Variants in REPS1 observed in about 807,000 individuals in gnomAD.
REPS1 encodes ralBP1-associated Eps domain-containing protein 1.
REPS1 carries 39 observed loss-of-function variants against 100.9 expected under a neutral mutation model. The ratio of observed to expected loss-of-function variants is 0.39; its 90% CI spans 0.30 to 0.50. REPS1 has a LOEUF of 0.50. REPS1 is among the 20% of genes least tolerant of loss of function. The probability of loss-of-function intolerance (pLI) is 0.86; values close to 1 mark genes in which losing one functional copy is unlikely to be tolerated. For missense variants in REPS1, 821 were observed against 968.5 expected, an observed-to-expected ratio of 0.85 and a Z score of 2.02; for synonymous variants, 324 against 340.3, an observed-to-expected ratio of 0.95 and a Z score of 0.53.
At chr6:138,907,941 A>C (rs1421072286) in intron 18 of REPS1, among the ~76,000 whole-genome samples, 1 of 152,122 alleles carries the variant, frequency 6.6e-6, no homozygotes, top group East Asian at 1.9e-4. Flanking sequence ...TCTGTCTCAT[A>C]TTCTAGTTTT....
intron 1 of REPS1, among the ~76,000 whole-genome samples, chr6:138,959,473 T>A (rs999660589): frequency 9.7e-4 from 23 of 23,678 alleles, no homozygotes; most frequent in Non-Finnish European, 1.4e-3. Flanking sequence ...TGAATGAGTT[T>A]AATAAAATGG....
chr6:138,915,892 AGAT>A lies in REPS1; in HGVS notation c.1683_1685del (p.Ser562del). The A allele has an allele frequency of 6.2e-7, 1 of 1,613,612 alleles. No homozygotes were observed. The highest frequency in any genetic ancestry group is 8.5e-7 in the Non-Finnish European group (1 of 1,179,490). On this transcript the variant is annotated inframe_deletion, in exon 14 of 20. Transcript: ENST00000450536. ...CTGTAAAGGTCCGATTCATATCTAA[AGAT>A]GATGATCTAGAATGAGAGGGCTGTG... is the stretch of plus-strand genomic sequence containing the variant.
At chr6:138,909,275 T>C (rs1240554703) in intron 17 of REPS1, among the ~76,000 whole-genome samples, 1 of 152,226 alleles carries the variant, frequency 6.6e-6, no homozygotes, top group Non-Finnish European at 1.5e-5. Context: ...AACATCATTA[T>C]TAATATGCAC....
Position 138,941,347 on chromosome 6 carries a change from C to T in REPS1, c.1123G>A (p.Glu375Lys). The change falls in exon 8 of 20, where the codon GAA becomes AAA. Residue 375 changes from glutamate (E) to lysine (K), a missense_variant. Around this residue, in one of 3 missense-constraint regions of REPS1, gnomAD observed 757 missense variants for 866.4 expected, o/e 0.87. Coordinates refer to ENST00000450536, the MANE Select transcript of REPS1 (RefSeq NM_001286611.2). ...CTCCCAATCTTACCTGCTGAATCTT[C>T]CAAATCAATCAGTTTGGGCATTAAG... is the stretch of plus-strand genomic sequence containing the variant. ...ESLMPKLIDL[E>K]DSADVGDQPG... The T allele has an allele frequency of 6.2e-7, 1 of 1,614,024 alleles. No homozygotes were observed. Among genetic ancestry groups the T allele is most frequent in the Non-Finnish European group, 8.5e-7 (1 of 1,179,972 alleles).
chr6:138,925,249 C>G (rs1241647256), intron 10 of REPS1, among the ~76,000 whole-genome samples: 2 of 151,932 alleles, frequency 1.3e-5, no homozygotes, highest in Admixed American at 1.3e-4. Context: ...CACCTGTAGT[C>G]CCAGCTACTC....
At chr6:138,972,157 T>C (rs1321358026) in intron 1 of REPS1, among the ~76,000 whole-genome samples, 1 of 152,192 alleles carries the variant, frequency 6.6e-6, no homozygotes, top group Non-Finnish European at 1.5e-5. Flanking sequence ...GAAACTGGTC[T>C]CAGTGAGAGT....
rs374357669 is a variant in REPS1, at chr6:138,959,772, C to G, written c.154-11859G>C. On this transcript the variant is annotated intron_variant, in intron 1 of 19. Coordinates refer to ENST00000450536, the MANE Select transcript of REPS1 (RefSeq NM_001286611.2). The stretch of plus-strand genomic sequence containing the variant: ...GAATCCTTGTAATGAAGATTCACAT[C>G]TACAATAAAGGAGGGAACAATTATA... 1.3e-4 allele frequency among the ~76,000 whole-genome samples: 20 copies of G among 152,288 alleles called. No homozygotes were observed. The East Asian group carries it at 3.3e-3, about 25-fold the overall frequency.
At chr6:138,914,239 T>TTTTTG (rs139082435) in intron 15 of REPS1, among the ~76,000 whole-genome samples, 13,189 of 151,772 alleles carry the variant, frequency 0.087, 1,180 homozygotes, top group African/African-American at 0.23. Context: ...CCAGCTAATT[T>TTTTTG]TTTTGTTTTG....
intron 4 of REPS1, 56 bp downstream of exon 4, chr6:138,945,163 G>A: frequency 6.8e-7 from 1 of 1,462,424 alleles, no homozygotes; most frequent in Non-Finnish European, 9.2e-7. Flanking sequence ...GAACCCAGGA[G>A]TGCAAGACCA....
intron 8 of REPS1, among the ~76,000 whole-genome samples, chr6:138,939,937 C>CA (rs1192283762): frequency 6.6e-6 from 1 of 152,162 alleles, no homozygotes; most frequent in East Asian, 1.9e-4. Context: ...CATATTTTTA[C>CA]AATCAACCTA....
rs377739859 is a variant in REPS1, at chr6:138,957,941, A to C, written c.154-10028T>G. Among the ~76,000 whole-genome samples the C allele has an allele frequency of 2.0e-5, 3 of 152,380 alleles. 1 individual carries two copies. On this transcript the variant is annotated intron_variant, in intron 1 of 19. Transcript: ENST00000450536. ...ATGGTTACAGAACAATATAAATGTT[A>C]TTAATATTACATATGTGAAAGTACC...
intron 8 of REPS1, among the ~76,000 whole-genome samples, chr6:138,933,627 T>A (rs1246917063): frequency 1.3e-5 from 2 of 152,228 alleles, no homozygotes; most frequent in Non-Finnish European, 2.9e-5. Context: ...TTCGTTGTCT[T>A]CTATTAAGAC....
intron 1 of REPS1, among the ~76,000 whole-genome samples, chr6:138,974,205 G>A (rs1281072077): frequency 6.6e-6 from 1 of 152,128 alleles, no homozygotes; most frequent in African/African-American, 2.4e-5. Context: ...TGAACGAATG[G>A]TACAGCAATG....
rs1781387498 is a variant in REPS1, at chr6:138,930,001, C to G, written c.1233G>C (p.Trp411Cys). The G allele has an allele frequency of 2.5e-6, 4 of 1,613,690 alleles. No homozygotes were observed. Among genetic ancestry groups the G allele is most frequent in the Non-Finnish European group, 3.4e-6 (4 of 1,179,696 alleles). ...CCTCACTGCTCTGATTCAGCTCAGGCCATGTCTGGTTTAGTGATGGCATCG... is the reference window on the plus strand; with the variant it reads ...CCTCACTGCTCTGATTCAGCTCAGGGCATGTCTGGTTTAGTGATGGCATCG... ...SPSMPSLNQTWPELNQSSEQW... is the reference protein window; with the variant it reads ...SPSMPSLNQTCPELNQSSEQW... The change falls in exon 9 of 20, where the codon TGG becomes TGC. Residue 411 changes from tryptophan to cysteine, a missense_variant. By Grantham distance (215) the Trp-to-Cys change is radical. Coordinates refer to ENST00000450536, the MANE Select transcript of REPS1 (RefSeq NM_001286611.2).
rs146621514 is a variant in REPS1, at chr6:138,987,915, C to T, written c.-233G>A. On this transcript the variant is annotated 5_prime_UTR_variant, in exon 1 of 20. Coordinates refer to ENST00000450536, the MANE Select transcript of REPS1 (RefSeq NM_001286611.2). The stretch of plus-strand genomic sequence containing the variant: ...GCCTGCGAGGCCCGGCGCGCGGCTG[C>T]GGCTGCGGCTGCGACTACGGCTCCG... The T allele has an allele frequency of 1.1e-5, 4 of 378,058 alleles. No individual in the cohort carries two copies. The highest frequency in any genetic ancestry group is 2.1e-5 in the African/African-American group (1 of 47,358). 23.4% of individuals were successfully genotyped at this position (378,058 alleles called of 1,614,324 possible).
At chr6:138,933,300 T>C (rs1781597965) in intron 8 of REPS1, among the ~76,000 whole-genome samples, 1 of 152,218 alleles carries the variant, frequency 6.6e-6, no homozygotes, top group Admixed American at 6.5e-5. Context: ...CTATAAGGTA[T>C]CTGTTGCAGC....
intron 1 of REPS1, among the ~76,000 whole-genome samples, chr6:138,984,927 T>C (rs1295838906): frequency 6.6e-6 from 1 of 152,196 alleles, no homozygotes; most frequent in Non-Finnish European, 1.5e-5. Context: ...TCCCTTTCTA[T>C]TCTACTGCTG....
intron 1 of REPS1, among the ~76,000 whole-genome samples, chr6:138,987,044 T>C (rs1028518430): frequency 6.6e-6 from 1 of 152,166 alleles, no homozygotes; most frequent in Admixed American, 6.5e-5. Flanking sequence ...TCCCTAAGAA[T>C]TTTGCTTCCT....
chr6:138,945,348 G>T lies in REPS1; in HGVS notation c.499C>A (p.Pro167Thr). 1.2e-6 allele frequency: 2 copies of T among 1,611,252 alleles called. No homozygotes were observed. Among genetic ancestry groups the T allele is most frequent in the African/African-American group, 1.3e-5 (1 of 74,910 alleles). Residue 167 changes from proline to threonine, a missense_variant, in exon 4 of 20, where the codon CCA becomes ACA. Pro to Thr is a conservative substitution (Grantham distance 38). Transcript: ENST00000450536. ...AQEPASPVVS[P>T]QQSPPTSPHT... ...GGAGAAGTTGGTGGGGATTGCTGTG[G>T]TGAAACTACTGGGGATGCAGGTTCC...
Sources: allele counts gnomAD v4.1 joint callset (sites outside exome capture counted in the v4.1 genomes callset), GRCh38; gene constraint gnomAD v4.1.1; regional missense constraint gnomAD v4.1.1; transcripts MANE v1.5; gene names NCBI Gene and HGNC (gene_info 2026-07-23, HGNC 2026-07-21).